ARPC5L: variants seen among roughly 807,000 people sequenced by gnomAD.
The protein encoded by ARPC5L is actin-related protein 2/3 complex subunit 5-like protein.
In ARPC5L, 4 loss-of-function variants were observed where a neutral mutation model predicts 16.9. The observed-to-expected ratio is 0.24, with a 90% CI of 0.12 to 0.54. The LOEUF is 0.54. Among genes scored for constraint, ARPC5L ranks in the 20% least tolerant of loss-of-function variants. ARPC5L has a pLI of 0.95. For missense variants in ARPC5L, 151 were observed against 201.9 expected, an observed-to-expected ratio of 0.75 and a Z score of 1.53; for synonymous variants, 78 against 82.6, an observed-to-expected ratio of 0.94 and a Z score of 0.30.
At position 124,864,186 on chromosome 9, in the gene ARPC5L, CT is replaced by C. The variant is rs34090717; in HGVS notation, c.-864+96del. The C allele has an allele frequency of 4.5e-3, 617 of 138,556 alleles. 1 individual carries two copies. Among genetic ancestry groups the C allele is most frequent in the African/African-American group, 7.3e-3 (272 of 37,460 alleles). 8.6% of individuals were successfully genotyped at this position (138,556 alleles called of 1,614,324 possible). ...GAGGGCAATCCCGGCATGGCTTAGA[CT>C]TTTTTTTTTTTTTTTTGAAATGGAG... is the stretch of plus-strand genomic sequence containing the variant. On this transcript the variant is annotated intron_variant, in intron 2 of 5. Coordinates refer to ENST00000353214, the MANE Select transcript of ARPC5L (RefSeq NM_030978.3).
intron 2 of ARPC5L, among the ~76,000 whole-genome samples, chr9:124,867,139 AC>A (rs1829280696): frequency 7.4e-6 from 1 of 134,904 alleles, no homozygotes; most frequent in Non-Finnish European, 1.6e-5. Context: ...CCTCAGGGAC[AC>A]CTTTTTTTTT....
chr9:124,863,347 G>T (rs1829230519), intron 1 of ARPC5L, among the ~76,000 whole-genome samples: 1 of 151,994 alleles, frequency 6.6e-6, no homozygotes, highest in African/African-American at 2.4e-5. Context: ...GTAGAGACAA[G>T]GTTTAGCCAG....
chr9:124,877,079 A>C lies in ARPC5L; in HGVS notation c.*139A>C. 2.9e-6 allele frequency: 2 copies of C among 684,786 alleles called. No individual in the cohort carries two copies. Among genetic ancestry groups the C allele is most frequent in the East Asian group, 2.8e-5 (1 of 35,540 alleles). The allele number at this position is 684,786 out of a possible 1,614,324, so 42.4% of individuals were successfully genotyped here. On this transcript the variant is annotated 3_prime_UTR_variant, in exon 6 of 6. Transcript: ENST00000353214. The stretch of plus-strand genomic sequence containing the variant: ...ACATGTATCTGCTGAAATGTATTTT[A>C]TTTTCAAGGTGGAGGGGAAAATCGT...
chr9:124,862,697 T>C (rs1829219699), intron 1 of ARPC5L, among the ~76,000 whole-genome samples: 1 of 151,592 alleles, frequency 6.6e-6, no homozygotes, highest in Non-Finnish European at 1.5e-5. Flanking sequence ...GCTAATTTTT[T>C]GTATTTTTAG....
chr9:124,876,998 A>C lies in ARPC5L; in HGVS notation c.*58A>C. The C allele has an allele frequency of 1.4e-6, 2 of 1,434,728 alleles. No homozygotes were observed. The highest frequency in any genetic ancestry group is 1.9e-6 in the Non-Finnish European group (2 of 1,038,940). 88.9% of individuals were successfully genotyped at this position (1,434,728 alleles called of 1,614,324 possible). ...GAATTCTGGATGCCCAGGCTGGTGA[A>C]GAAGGGATTGACAATGGACCATCTT... is the stretch of plus-strand genomic sequence containing the variant. On this transcript the variant is annotated 3_prime_UTR_variant, in exon 6 of 6. Coordinates refer to ENST00000353214, the MANE Select transcript of ARPC5L (RefSeq NM_030978.3).
In ARPC5L at chr9:124,875,006, T is replaced by C; in HGVS notation, c.254T>C (p.Leu85Pro). Reference sequence around the variant, plus strand: ...GCCCAGGGCGTGGTGCTGAAAGTGCTCACAAACTTCAAGAGCAGTGAGATT... The same window carrying C: ...GCCCAGGGCGTGGTGCTGAAAGTGCCCACAAACTTCAAGAGCAGTGAGATT... ...ERAQGVVLKV[L>P]TNFKSSEIEQ... The change falls in exon 5 of 6, where the codon CTC becomes CCC. Residue 85 changes from leucine (L) to proline (P), a missense_variant. Coordinates refer to ENST00000353214, the MANE Select transcript of ARPC5L (RefSeq NM_030978.3). 1 of 1,613,992 alleles carries C rather than the reference T, an allele frequency of 6.2e-7. No homozygotes were observed. The highest frequency in any genetic ancestry group is 8.5e-7 in the Non-Finnish European group (1 of 1,179,890).
In ARPC5L at chr9:124,877,093, G is replaced by A; in HGVS notation, c.*153G>A. 1 of 650,154 alleles carries A rather than the reference G, an allele frequency of 1.5e-6. No homozygotes were observed. The highest frequency in any genetic ancestry group is 2.6e-6 in the Non-Finnish European group (1 of 386,424). The allele number at this position is 650,154 out of a possible 1,614,324, so 40.3% of individuals were successfully genotyped here. A position where few individuals can be genotyped will look rare whatever the true frequency, so the allele number is the denominator to read the frequency against. On this transcript the variant is annotated 3_prime_UTR_variant, in exon 6 of 6. Coordinates refer to ENST00000353214, the MANE Select transcript of ARPC5L (RefSeq NM_030978.3). Reference sequence around the variant, plus strand: ...AAATGTATTTTATTTTCAAGGTGGAGGGGAAAATCGTCTGTTTCCTAAATC... The same window carrying A: ...AAATGTATTTTATTTTCAAGGTGGAAGGGAAAATCGTCTGTTTCCTAAATC...
Position 124,869,286 on chromosome 9 carries a change from C to T in ARPC5L, c.-5C>T. 1 of 1,518,000 alleles carries T rather than the reference C, an allele frequency of 6.6e-7. No individual in the cohort carries two copies. The highest frequency in any genetic ancestry group is 8.8e-7 in the Non-Finnish European group (1 of 1,133,604). The allele number at this position is 1,518,000 out of a possible 1,614,324, so 94.0% of individuals were successfully genotyped here. On this transcript the variant is annotated 5_prime_UTR_variant, in exon 3 of 6. Transcript: ENST00000353214. ...AGCCGGCTGAGCGGGCGCCGAGCTC[C>T]CGCCATGGCCCGGAACACGCTGTCC...
intron 2 of ARPC5L, among the ~76,000 whole-genome samples, chr9:124,867,187 G>C (rs1478383247): frequency 6.7e-6 from 1 of 149,992 alleles, no homozygotes; most frequent in African/African-American, 2.5e-5. Context: ...CATCGCCCAG[G>C]CTGGAGTGCA....
rs752286201 is a variant in ARPC5L at position 124,862,141 on chromosome 9, C to T, written c.-1241C>T. ...GTAGTGCTCGCCTCATTCACGGCAC[C>T]CCTGATAGCGAGGTCGGCGTCACGG... On this transcript the variant is annotated 5_prime_UTR_variant, in exon 1 of 6. Coordinates refer to ENST00000353214, the MANE Select transcript of ARPC5L (RefSeq NM_030978.3). The T allele has an allele frequency of 1.1e-4, 56 of 499,058 alleles. No homozygotes were observed. Among genetic ancestry groups the T allele is most frequent in the Non-Finnish European group, 1.7e-4 (49 of 291,502 alleles). The allele number at this position is 499,058 out of a possible 1,614,324, so 30.9% of individuals were successfully genotyped here.
intron 2 of ARPC5L, among the ~76,000 whole-genome samples, chr9:124,866,396 T>G (rs1829271262): frequency 6.7e-6 from 1 of 150,336 alleles, no homozygotes; most frequent in Admixed American, 6.6e-5. Flanking sequence ...AGAGTGAGGC[T>G]CCATCTCAAA....
chr9:124,865,986 T>G (rs1829265695), intron 2 of ARPC5L, among the ~76,000 whole-genome samples: 1 of 151,948 alleles, frequency 6.6e-6, no homozygotes, highest in Non-Finnish European at 1.5e-5. Flanking sequence ...GCACCTGTAC[T>G]CCCAGCTACT....
At position 124,867,033 on chromosome 9, in the gene ARPC5L, C is replaced by T. The variant is rs372532596; in HGVS notation, c.-863-1395C>T. ...CCCCCACCTCATCTCTCTTCTGTTC[C>T]TGGCTGTTTCTCGAATATACTGAGC... On this transcript the variant is annotated intron_variant, in intron 2 of 5. Coordinates refer to ENST00000353214, the MANE Select transcript of ARPC5L (RefSeq NM_030978.3). Among the ~76,000 whole-genome samples, 8 of 152,254 alleles carry T rather than the reference C, an allele frequency of 5.3e-5. No homozygotes were observed. The South Asian group carries it at 1.7e-3, about 32-fold the overall frequency.
chr9:124,869,406 C>T lies in ARPC5L; in HGVS notation c.116C>T (p.Pro39Leu). The T allele has an allele frequency of 1.3e-6, 2 of 1,502,182 alleles. No homozygotes were observed. The highest frequency in any genetic ancestry group is 2.5e-5 in the South Asian group (2 of 79,876). 93.1% of individuals were successfully genotyped at this position (1,502,182 alleles called of 1,614,324 possible). A position where few individuals can be genotyped will look rare whatever the true frequency, so the allele number is the denominator to read the frequency against. ...EAAAAAAEPG[P>L]DPSEVDGLLR... ...GCGGCGGCGGCGGCGGAGCCAGGCC[C>T]GGACCCGAGCGAGGTGGACGGGCTC... is the stretch of plus-strand genomic sequence containing the variant. The change falls in exon 3 of 6, where the codon CCG becomes CTG. Residue 39 changes from proline (P) to leucine (L), a missense_variant. By Grantham distance (98) the Pro-to-Leu change is moderately conservative (BLOSUM62 -3). Transcript: ENST00000353214.
Position 124,869,347 on chromosome 9 carries a change from C to A in ARPC5L, c.57C>A (p.Asp19Glu), listed in dbSNP as rs868597829. 1 of 1,531,924 alleles carries A rather than the reference C, an allele frequency of 6.5e-7. No individual in the cohort carries two copies. The highest frequency in any genetic ancestry group is 8.8e-7 in the Non-Finnish European group (1 of 1,139,070). The allele number at this position is 1,531,924 out of a possible 1,614,324, so 94.9% of individuals were successfully genotyped here. A position where few individuals can be genotyped will look rare whatever the true frequency, so the allele number is the denominator to read the frequency against. ...RFRRVDIDEF[D>E]ENKFVDEQEE... ...GCCGGGTGGACATCGACGAATTTGA[C>A]GAGAACAAATTTGTGGACGAGCAGG... Residue 19 changes from aspartate (D) to glutamate (E), a missense_variant, in exon 3 of 6, where the codon GAC (aspartate) becomes GAA (glutamate). Coordinates refer to ENST00000353214, the MANE Select transcript of ARPC5L (RefSeq NM_030978.3).
At chr9:124,862,930 C>G (rs1357350490) in intron 1 of ARPC5L, among the ~76,000 whole-genome samples, 1 of 152,044 alleles carries the variant, frequency 6.6e-6, no homozygotes, top group African/African-American at 2.4e-5. Flanking sequence ...CCACCAAAAC[C>G]TCCGCTTCCC....
intron 3 of ARPC5L, among the ~76,000 whole-genome samples, chr9:124,870,775 C>A (rs1829345492): frequency 6.6e-6 from 1 of 152,160 alleles, no homozygotes; most frequent in Non-Finnish European, 1.5e-5. Context: ...CCAGGACTCT[C>A]ATTGAACAGA....
Position 124,867,809 on chromosome 9 carries a change from T to TA in ARPC5L, c.-863-619_-863-618insA, listed in dbSNP as rs1491198504. ...CCCCTGAGACTTTTCTTTTCTTTTC[T>TA]TTTTTTTTTTTTTTTTTGAGACGGA... On this transcript the variant is annotated intron_variant, in intron 2 of 5. Coordinates refer to ENST00000353214, the MANE Select transcript of ARPC5L (RefSeq NM_030978.3). 9.5e-4 allele frequency among the ~76,000 whole-genome samples: 3 copies of TA among 3,146 alleles called. No homozygotes were observed. In the Non-Finnish European group the frequency reaches 0.013, roughly 13 times the overall value. 2.1% of individuals were successfully genotyped at this position (3,146 alleles called of 152,430 possible).
chr9:124,872,232 C>T (rs980149242), intron 3 of ARPC5L, among the ~76,000 whole-genome samples: 1 of 152,168 alleles, frequency 6.6e-6, no homozygotes, highest in African/African-American at 2.4e-5. Flanking sequence ...ACATGAAGAG[C>T]AAGTGAGCCT....
Sources: gnomAD v4.1 joint callset for allele counts (sites outside exome capture counted in the v4.1 genomes callset) on GRCh38, gnomAD v4.1.1 for gene constraint, MANE v1.5 for transcripts, NCBI Gene and HGNC (gene_info 2026-07-23, HGNC 2026-07-21) for gene names.